The following NEDD4 variants were observed in gnomAD, a reference collection of about 807,000 sequenced individuals.
NEDD4 encodes E3 ubiquitin-protein ligase NEDD4.
NEDD4 carries 99 observed loss-of-function variants against 144.9 expected under a neutral mutation model. The observed-to-expected ratio is 0.68, with a 90% CI of 0.58 to 0.81. The LOEUF (loss-of-function observed/expected upper bound fraction) is 0.81. Ranked by LOEUF, NEDD4 falls within the 30% of genes least tolerant of loss-of-function variation. The probability of loss-of-function intolerance (pLI) is 0.00; values close to 1 mark genes in which losing one functional copy is unlikely to be tolerated. For missense variants in NEDD4, 985 were observed against 1,065.9 expected (o/e 0.92, Z 1.06); for synonymous variants, 318 against 350.6 (o/e 0.91, Z 1.04).
At chr15:55,936,339 G>A (rs1420481423) in intron 4 of NEDD4, among the ~76,000 whole-genome samples, 1 of 151,928 alleles carries the variant, frequency 6.6e-6, no homozygotes, top group Non-Finnish European at 1.5e-5. Context: ...CAAAGTGCCT[G>A]AGAAATAGGT....
chr15:55,973,443 G>A (rs190047130), intron 1 of NEDD4, among the ~76,000 whole-genome samples: 1 of 152,346 alleles, frequency 6.6e-6, no homozygotes, highest in East Asian at 1.9e-4. Context: ...AGGAGGCTGA[G>A]GTGGGAGGAT....
At chr15:55,944,037 G>A (rs2037059480) in intron 4 of NEDD4, among the ~76,000 whole-genome samples, 1 of 152,176 alleles carries the variant, frequency 6.6e-6, no homozygotes, top group African/African-American at 2.4e-5. Flanking sequence ...GGCCAAATAG[G>A]AACAGCTCCT....
chr15:55,864,420 G>A (rs1409594575), intron 8 of NEDD4, among the ~76,000 whole-genome samples: 1 of 152,038 alleles, frequency 6.6e-6, no homozygotes, highest in Admixed American at 6.6e-5. Flanking sequence ...GGTGGCTCAG[G>A]CCTATAATTC....
At position 55,951,367 on chromosome 15, in the gene NEDD4, T is replaced by C. The variant is rs1452214023; in HGVS notation, c.237+9A>G. On this transcript the variant is annotated intron_variant, in intron 4 of 28. Transcript: ENST00000435532. Reference sequence around the variant, plus strand: ...TTTTCCACTTTAGTAAAATAAAATATATACTTACTCTGAATAATATTTCTT... The same window carrying C: ...TTTTCCACTTTAGTAAAATAAAATACATACTTACTCTGAATAATATTTCTT... The C allele has an allele frequency of 6.6e-6, 6 of 903,130 alleles. No individual in the cohort carries two copies. The highest frequency in any genetic ancestry group is 1.7e-5 in the African/African-American group (1 of 57,288). 55.9% of individuals were successfully genotyped at this position (903,130 alleles called of 1,614,324 possible). A position where few individuals can be genotyped will look rare whatever the true frequency, so the allele number is the denominator to read the frequency against.
chr15:55,983,078 C>A (rs536636291), intron 1 of NEDD4, among the ~76,000 whole-genome samples: 1 of 151,924 alleles, frequency 6.6e-6, no homozygotes, highest in South Asian at 2.1e-4. Flanking sequence ...ACCGAGATTG[C>A]GCCATTGCAC....
chr15:55,921,044 A>C (rs1433526757), intron 5 of NEDD4, among the ~76,000 whole-genome samples: 1 of 152,214 alleles, frequency 6.6e-6, no homozygotes, highest in Non-Finnish European at 1.5e-5. Flanking sequence ...ATACCATATC[A>C]GAGAGCTACA....
intron 1 of NEDD4, among the ~76,000 whole-genome samples, chr15:55,980,633 G>T (rs2037782634): frequency 6.6e-6 from 1 of 152,190 alleles, no homozygotes; most frequent in Non-Finnish European, 1.5e-5. Context: ...GAGATCGAGT[G>T]AATTCTCACA....
intron 1 of NEDD4, among the ~76,000 whole-genome samples, chr15:55,986,875 G>A (rs904108929): frequency 7.9e-5 from 12 of 152,082 alleles, no homozygotes; most frequent in Admixed American, 2.6e-4. Flanking sequence ...GATTACAGGC[G>A]TGAGCCACCG....
Position 55,829,722 on chromosome 15 carries a change from A to T in NEDD4, c.*175T>A. 1.8e-6 allele frequency: 1 copy of T among 556,114 alleles called. No individual in the cohort carries two copies. Among genetic ancestry groups the T allele is most frequent in the Non-Finnish European group, 3.2e-6 (1 of 313,528 alleles). 34.4% of individuals were successfully genotyped at this position (556,114 alleles called of 1,614,324 possible). A position where few individuals can be genotyped will look rare whatever the true frequency, so the allele number is the denominator to read the frequency against. On this transcript the variant is annotated 3_prime_UTR_variant, in exon 29 of 29. Coordinates refer to ENST00000435532, the MANE Select transcript of NEDD4 (RefSeq NM_006154.4). The stretch of plus-strand genomic sequence containing the variant: ...ACTGTGTAAATGCAACACATTATTT[A>T]AAAGTGATTAAAAATAAGTTGTCGT...
intron 4 of NEDD4, among the ~76,000 whole-genome samples, chr15:55,947,161 G>A (rs1446106882): frequency 1.3e-5 from 2 of 152,150 alleles, no homozygotes; most frequent in African/African-American, 4.8e-5. Context: ...TAAGGTAAGA[G>A]CAGAACTCAA....
chr15:55,867,575 T>C (rs968444161), intron 8 of NEDD4, among the ~76,000 whole-genome samples: 3 of 152,222 alleles, frequency 2.0e-5, no homozygotes, highest in Non-Finnish European at 2.9e-5. Flanking sequence ...AATTCCATTA[T>C]TCGAGATACT....
chr15:55,927,378 A>C (rs62043858), intron 4 of NEDD4, among the ~76,000 whole-genome samples: 11,913 of 151,950 alleles, frequency 0.078, 569 homozygotes, highest in Middle Eastern at 0.16. Context: ...TGGTGCGATC[A>C]CAGCTCAGTG....
In NEDD4 at chr15:55,914,571, T is replaced by A. The variant is rs532010210; in HGVS notation, c.291+10075A>T. Among the ~76,000 whole-genome samples, 29 of 152,038 alleles carry A rather than the reference T, an allele frequency of 1.9e-4. No individual in the cohort carries two copies. In the East Asian group the frequency reaches 5.0e-3, roughly 26 times the overall value. On this transcript the variant is annotated intron_variant, in intron 5 of 28. Coordinates refer to ENST00000435532, the MANE Select transcript of NEDD4 (RefSeq NM_006154.4). ...AAATATTAAAACTTAGAATTCAATA[T>A]TGTTGAAAGAGTGAGTTACATTTTA... is the stretch of plus-strand genomic sequence containing the variant.
intron 8 of NEDD4, among the ~76,000 whole-genome samples, chr15:55,867,266 T>G (rs1459385483): frequency 6.6e-6 from 1 of 152,166 alleles, no homozygotes; most frequent in East Asian, 1.9e-4. Context: ...AGAAGGTAAA[T>G]AAGCACAGAT....
chr15:55,846,195 A>C (rs1349576198), intron 18 of NEDD4, among the ~76,000 whole-genome samples: 1 of 152,226 alleles, frequency 6.6e-6, no homozygotes, highest in Non-Finnish European at 1.5e-5. Flanking sequence ...TTTTTGCTAA[A>C]AATTTGGGTG....
At position 55,840,429 on chromosome 15, in the gene NEDD4, T is replaced by G; in HGVS notation, c.2031+18A>C. 1 of 1,605,792 alleles carries G rather than the reference T, an allele frequency of 6.2e-7. No homozygotes were observed. The highest frequency in any genetic ancestry group is 1.1e-5 in the South Asian group (1 of 89,342). ...GTTAAATTATACTTCGTCTATACTA[T>G]AAGTGAAAAAGACATACCACAGATT... On this transcript the variant is annotated intron_variant, in intron 21 of 28. Coordinates refer to ENST00000435532, the MANE Select transcript of NEDD4 (RefSeq NM_006154.4).
chr15:55,841,859 C>CCG lies in NEDD4; in HGVS notation c.1838+74_1838+75insCG, dbSNP rs2033523144. On this transcript the variant is annotated intron_variant, in intron 19 of 28. Transcript: ENST00000435532. Reference sequence around the variant, plus strand: ...GTGCTGGGATTACAGGCATGAGCCACTGCACCCGGCCGACTCTTACTTTTA... The same window carrying CCG: ...GTGCTGGGATTACAGGCATGAGCCACCGTGCACCCGGCCGACTCTTACTTTTA... 13 of 1,293,342 alleles carry CCG rather than the reference C, an allele frequency of 1.0e-5. No homozygotes were observed. In the Admixed American group the frequency reaches 1.6e-4, roughly 16 times the overall value. The allele number at this position is 1,293,342 out of a possible 1,614,324, so 80.1% of individuals were successfully genotyped here. A position where few individuals can be genotyped will look rare whatever the true frequency, so the allele number is the denominator to read the frequency against.
chr15:55,848,804 A>T lies in NEDD4; in HGVS notation c.1428+2T>A, dbSNP rs773521634. On this transcript the variant is annotated splice_donor_variant, in intron 15 of 28. Coordinates refer to ENST00000435532, the MANE Select transcript of NEDD4 (RefSeq NM_006154.4). LOFTEE classifies it high-confidence loss of function. ...GATGGGTTAGCATTTCTATACACTT[A>T]CAGGTAAAGGCCCTAGATCATTGGA... 5 of 1,612,438 alleles carry T rather than the reference A, an allele frequency of 3.1e-6. No individual in the cohort carries two copies. The highest frequency in any genetic ancestry group is 4.5e-5 in the East Asian group (2 of 44,786).
chr15:55,922,668 T>C (rs779922852), intron 5 of NEDD4, among the ~76,000 whole-genome samples: 2 of 152,040 alleles, frequency 1.3e-5, no homozygotes, highest in Non-Finnish European at 2.9e-5. Context: ...CGGCCAACAA[T>C]GTGTTTTTTG....
Sources: gnomAD v4.1 joint callset for allele counts (sites outside exome capture counted in the v4.1 genomes callset) on GRCh38, gnomAD v4.1.1 for gene constraint, MANE v1.5 for transcripts, NCBI Gene and HGNC (gene_info 2026-07-23, HGNC 2026-07-21) for gene names.